Variants in CPVL observed in about 807,000 individuals in gnomAD.
CPVL encodes the protein probable serine carboxypeptidase CPVL.
In CPVL, 51 loss-of-function variants were observed where a neutral mutation model predicts 63.7. That is an observed-to-expected ratio of 0.80 (90% CI 0.64 to 1.01). CPVL has a LOEUF of 1.01. CPVL is among the 50% of genes least tolerant of loss of function. The pLI is 0.00. For missense variants in CPVL, 530 were observed against 573.1 expected, an observed-to-expected ratio of 0.92 and a Z score of 0.77; for synonymous variants, 195 against 206.0, an observed-to-expected ratio of 0.95 and a Z score of 0.46.
At chr7:29,059,821 C>T (rs1791095819) in intron 11 of CPVL, among the ~76,000 whole-genome samples, 1 of 152,174 alleles carries the variant, frequency 6.6e-6, no homozygotes, top group African/African-American at 2.4e-5. Flanking sequence ...TTCCCTTCCT[C>T]ACCATTTGTT....
At chr7:29,138,050 A>G (rs755841956) in intron 1 of CPVL, among the ~76,000 whole-genome samples, 40 of 152,378 alleles carry the variant, frequency 2.6e-4, no homozygotes, top group Non-Finnish European at 4.4e-4. Flanking sequence ...AGGCCAGTTA[A>G]TATGTTTCAC....
intron 10 of CPVL, among the ~76,000 whole-genome samples, chr7:29,064,723 C>T (rs942228163): frequency 1.3e-5 from 2 of 151,960 alleles, no homozygotes; most frequent in Admixed American, 1.3e-4. Flanking sequence ...ATACATGTGC[C>T]ATGTTGGTGT....
At chr7:29,110,831 T>C (rs1562774044) in intron 3 of CPVL, among the ~76,000 whole-genome samples, 1 of 152,204 alleles carries the variant, frequency 6.6e-6, no homozygotes, top group Non-Finnish European at 1.5e-5. Context: ...AAGAGTCCTT[T>C]TAGAAGACAG....
rs10658501 is a variant in CPVL, at chr7:29,075,519, T to TAAAAAAAAAAA, written c.610-3107_610-3097dup. Among the ~76,000 whole-genome samples the TAAAAAAAAAAA allele has an allele frequency of 3.1e-5, 4 of 128,976 alleles. 2 individuals are homozygous for TAAAAAAAAAAA. The highest frequency in any genetic ancestry group is 5.7e-5 in the African/African-American group (2 of 35,138). 84.6% of individuals were successfully genotyped at this position (128,976 alleles called of 152,430 possible). Reference sequence around the variant, plus strand: ...TCTTTTCTATTGAGAAGATACTTCTTAAAAAAAAAAAAAAAAAAGCCATCA... The same window carrying TAAAAAAAAAAA: ...TCTTTTCTATTGAGAAGATACTTCTTAAAAAAAAAAAAAAAAAAAAAAAAAAAAAGCCATCA... On this transcript the variant is annotated intron_variant, in intron 7 of 12. Coordinates refer to ENST00000265394, the MANE Select transcript of CPVL (RefSeq NM_031311.5).
chr7:29,036,603 T>C (rs764783121), intron 11 of CPVL, among the ~76,000 whole-genome samples: 2 of 152,180 alleles, frequency 1.3e-5, no homozygotes, highest in Non-Finnish European at 2.9e-5. Flanking sequence ...TTTGCATGCA[T>C]TGGCCACTGC....
At chr7:29,188,847 C>A (rs985719094) in intron 1 of CPVL, among the ~76,000 whole-genome samples, 1 of 151,926 alleles carries the variant, frequency 6.6e-6, no homozygotes, top group Admixed American at 6.6e-5. Flanking sequence ...ATTTCTATAG[C>A]TATTTTAAAA....
chr7:29,042,330 C>T (rs1049532601), intron 11 of CPVL, among the ~76,000 whole-genome samples: 2 of 152,088 alleles, frequency 1.3e-5, no homozygotes, highest in African/African-American at 4.8e-5. Flanking sequence ...GGGCCAGGTG[C>T]CATGGCTCAC....
At chr7:29,069,440 C>CAA (rs34421309) in intron 9 of CPVL, among the ~76,000 whole-genome samples, 4 of 81,166 alleles carry the variant, frequency 4.9e-5, no homozygotes, top group Admixed American at 1.3e-4. Context: ...GACTCCGTCT[C>CAA]AAAAAAAAAA....
chr7:29,076,892 G>C (rs1784299207), intron 7 of CPVL, among the ~76,000 whole-genome samples: 1 of 152,170 alleles, frequency 6.6e-6, no homozygotes, highest in Admixed American at 6.5e-5. Flanking sequence ...ATCTTGGTTT[G>C]CGATTTTTTT....
Position 29,103,180 on chromosome 7 carries a change from TGGGGG to T in CPVL, c.289-6968_289-6964del, listed in dbSNP as rs10568146. 6.1e-3 allele frequency among the ~76,000 whole-genome samples: 345 copies of T among 56,168 alleles called. 9 individuals are homozygous for T. The highest frequency in any genetic ancestry group is 0.023 in the Admixed American group (66 of 2,900). The allele number at this position is 56,168 out of a possible 152,430, so 36.8% of individuals were successfully genotyped here. Reference sequence around the variant, plus strand: ...TCACTGAAACAGTAAGTTAATATACTGGGGGGGGGGGGGGGGTGCTAAAAACTTGC... The same window carrying T: ...TCACTGAAACAGTAAGTTAATATACTGGGGGGGGGGGTGCTAAAAACTTGC... On this transcript the variant is annotated intron_variant, in intron 3 of 12. Transcript: ENST00000265394.
At chr7:29,063,968 A>T (rs1782897966) in intron 11 of CPVL, 93 bp downstream of exon 11, 2 of 545,060 alleles carry the variant, frequency 3.7e-6, no homozygotes, top group Non-Finnish European at 5.7e-6. Context: ...ATAAAAGTTA[A>T]AAAAAAAAAA....
At chr7:29,180,387 C>T (rs572288706) in intron 5 of CPVL, among the ~76,000 whole-genome samples, 70 of 151,974 alleles carry the variant, frequency 4.6e-4, no homozygotes, top group African/African-American at 1.5e-3. Context: ...ATTAGCCAGG[C>T]GTGGTGGCAC....
chr7:29,003,171 CACACACACACACACACAGAG>C (rs1784833500), intron 12 of CPVL, among the ~76,000 whole-genome samples: 3 of 82,652 alleles, frequency 3.6e-5, no homozygotes, highest in Admixed American at 2.4e-4. Context: ...CACACACACA[CACACACACACACACACAGAG>C]AGAATAGCAT....
intron 5 of CPVL, among the ~76,000 whole-genome samples, chr7:29,169,396 A>G (rs1180920870): frequency 1.3e-5 from 2 of 152,124 alleles, no homozygotes; most frequent in Non-Finnish European, 2.9e-5. Flanking sequence ...CCCTCTAAAC[A>G]CACCATTTTA....
chr7:29,148,383 T>G (rs1365236998), upstream of CPVL: 1 of 152,226 alleles, frequency 6.6e-6, no homozygotes, highest in Non-Finnish European at 1.5e-5. Flanking sequence ...TCCTGCAGTT[T>G]TAGTAACCTC....
At chr7:29,022,244 A>T (rs1787067651) in intron 12 of CPVL, among the ~76,000 whole-genome samples, 1 of 152,074 alleles carries the variant, frequency 6.6e-6, no homozygotes, top group Non-Finnish European at 1.5e-5. Context: ...CTGGAGATCA[A>T]CCCGGTCTGC....
At chr7:29,184,030 AC>A (rs750081949) in intron 4 of CPVL, among the ~76,000 whole-genome samples, 89 of 152,182 alleles carry the variant, frequency 5.8e-4, no homozygotes, top group East Asian at 5.8e-4. Context: ...ATCTGCAAAT[AC>A]TACACTATTT....
chr7:29,181,028 A>G (rs1382285999), intron 5 of CPVL, among the ~76,000 whole-genome samples: 2 of 152,272 alleles, frequency 1.3e-5, no homozygotes, highest in Admixed American at 1.3e-4. Context: ...ACTAGTAGAC[A>G]TAAGCAAAAA....
intron 1 of CPVL, chr7:29,128,133 A>G (rs1456339842): frequency 1.3e-5 from 2 of 151,106 alleles, no homozygotes; most frequent in Admixed American, 6.6e-5. Context: ...CCTGCAGATG[A>G]GATCCTGGGA....
Sources: allele counts gnomAD v4.1 joint callset (sites outside exome capture counted in the v4.1 genomes callset), GRCh38; gene constraint gnomAD v4.1.1; transcripts MANE v1.5; gene names NCBI Gene and HGNC (gene_info 2026-07-23, HGNC 2026-07-21).